TRPC7: variants seen among roughly 807,000 people sequenced by gnomAD.
TRPC7 encodes the protein transient receptor potential cation channel subfamily C member 7.
Under a neutral mutation model 90.1 loss-of-function variants are expected in TRPC7, and 42 were observed. The ratio of observed to expected loss-of-function variants is 0.47; its 90% CI spans 0.36 to 0.60. TRPC7 has a LOEUF of 0.60. Among genes scored for constraint, TRPC7 ranks in the 20% least tolerant of loss-of-function variants. The probability of loss-of-function intolerance (pLI) is 0.00; values close to 1 mark genes in which losing one functional copy is unlikely to be tolerated. For missense variants in TRPC7, 955 were observed against 1,112.3 expected, an observed-to-expected ratio of 0.86 and a Z score of 2.01; for synonymous variants, 451 against 436.3, an observed-to-expected ratio of 1.03 and a Z score of -0.42.
chr5:136,306,373 A>G (rs1758629833), intron 3 of TRPC7, among the ~76,000 whole-genome samples: 1 of 152,034 alleles, frequency 6.6e-6, no homozygotes, highest in Non-Finnish European at 1.5e-5. Flanking sequence ...ACCCCACAAT[A>G]TCACCCTTTA....
chr5:136,347,038 A>G (rs1324729943), intron 2 of TRPC7, among the ~76,000 whole-genome samples: 2 of 152,218 alleles, frequency 1.3e-5, no homozygotes, highest in Non-Finnish European at 2.9e-5. Flanking sequence ...TAACAGAGGC[A>G]GAGACTGGAG....
intron 2 of TRPC7, among the ~76,000 whole-genome samples, chr5:136,317,108 G>C (rs1561716369): frequency 6.6e-6 from 1 of 152,182 alleles, no homozygotes; most frequent in Non-Finnish European, 1.5e-5. Context: ...GGTGAGAGTA[G>C]CTGTCCTTCA....
intron 3 of TRPC7, among the ~76,000 whole-genome samples, chr5:136,313,950 T>A (rs1472444313): frequency 2.0e-5 from 3 of 152,196 alleles, no homozygotes; most frequent in Non-Finnish European, 4.4e-5. Context: ...AGAGGACATA[T>A]AGTTATCAGG....
intron 7 of TRPC7, among the ~76,000 whole-genome samples, chr5:136,235,465 A>AG (rs1336712429): frequency 1.3e-5 from 2 of 152,168 alleles, no homozygotes; most frequent in Non-Finnish European, 2.9e-5. Flanking sequence ...CTCAGAGAGA[A>AG]GGCTAGCATT....
intron 3 of TRPC7, among the ~76,000 whole-genome samples, chr5:136,284,998 G>A (rs1757664289): frequency 6.6e-6 from 1 of 152,182 alleles, no homozygotes; most frequent in Non-Finnish European, 1.5e-5. Flanking sequence ...CACGGAATGA[G>A]TATATTCAAA....
intron 1 of TRPC7, 59 bp from the exon 2 acceptor site, chr5:136,357,444 A>T (rs1760429708): frequency 6.7e-7 from 1 of 1,495,090 alleles, no homozygotes; most frequent in Non-Finnish European, 8.9e-7. Flanking sequence ...GCAGTAGAGC[A>T]CACAAAAATG....
chr5:136,213,349 G>A lies in TRPC7; in HGVS notation c.*86C>T. ...TTCGTGTCCTAGAGGAGTGGGCTGG[G>A]GACCCCTCCCCACCAAGGATGGGGG... On this transcript the variant is annotated 3_prime_UTR_variant, in exon 12 of 12. Coordinates refer to ENST00000513104, the MANE Select transcript of TRPC7 (RefSeq NM_020389.3). 1 of 1,442,560 alleles carries A rather than the reference G, an allele frequency of 6.9e-7. No individual in the cohort carries two copies. Among genetic ancestry groups the A allele is most frequent in the Non-Finnish European group, 9.5e-7 (1 of 1,056,780 alleles). The allele number at this position is 1,442,560 out of a possible 1,614,324, so 89.4% of individuals were successfully genotyped here.
chr5:136,296,606 A>C (rs1458623565), intron 3 of TRPC7, among the ~76,000 whole-genome samples: 2 of 152,222 alleles, frequency 1.3e-5, no homozygotes, highest in Non-Finnish European at 2.9e-5. Flanking sequence ...ATAAATTTTT[A>C]CATTCTACTG....
At chr5:136,314,057 C>T (rs1268493547) in intron 3 of TRPC7, 2 of 152,198 alleles carry the variant, frequency 1.3e-5, no homozygotes, top group African/African-American at 2.4e-5. Context: ...GGTGAATGCC[C>T]ACATGCCATG....
intron 3 of TRPC7, among the ~76,000 whole-genome samples, chr5:136,277,910 C>T (rs1167559858): frequency 1.3e-5 from 2 of 152,200 alleles, no homozygotes; most frequent in East Asian, 1.9e-4. Context: ...ATTTTCCCAG[C>T]GACATGATTC....
At chr5:136,333,728 T>C (rs1019840599) in intron 2 of TRPC7, among the ~76,000 whole-genome samples, 3 of 152,294 alleles carry the variant, frequency 2.0e-5, no homozygotes, top group Non-Finnish European at 2.9e-5. Context: ...GGATTTAAAG[T>C]ACAGGGAGAA....
chr5:136,234,501 G>A (rs1755926104), intron 7 of TRPC7, among the ~76,000 whole-genome samples: 1 of 151,956 alleles, frequency 6.6e-6, no homozygotes, highest in Admixed American at 6.6e-5. Context: ...GTAGAGACGG[G>A]GTTTCACCAT....
chr5:136,225,465 A>T (rs552946302), intron 9 of TRPC7, 111 bp from the exon 10 acceptor site: 1 of 994,866 alleles, frequency 1.0e-6, no homozygotes, highest in East Asian at 2.6e-5. Flanking sequence ...TCAGTGAAGC[A>T]GCTTTTGAAA....
chr5:136,251,869 G>A lies in TRPC7; in HGVS notation c.1359C>T (p.Ser453=), dbSNP rs1580864612. ...IMKWVLGMIW[S]ECKEIWEEGP... is the part of the protein sequence containing the mutation. ...CCTCCTCCCAGATTTCCTTGCATTC[G>A]GACCAAATCATTCCTGTGGGAGAAG... Residue 453 remains serine, a synonymous_variant, in exon 6 of 12, where the codon TCC becomes TCT. Coordinates refer to ENST00000513104, the MANE Select transcript of TRPC7 (RefSeq NM_020389.3). 2.5e-6 allele frequency: 4 copies of A among 1,613,706 alleles called. No individual in the cohort carries two copies. The highest frequency in any genetic ancestry group is 3.4e-6 in the Non-Finnish European group (4 of 1,179,720).
At chr5:136,221,000 GAAATAGATATAGA>G (rs1755438695) in intron 10 of TRPC7, among the ~76,000 whole-genome samples, 1 of 152,122 alleles carries the variant, frequency 6.6e-6, no homozygotes, top group Non-Finnish European at 1.5e-5. Context: ...TTCTATTCTA[GAAATAGATATAGA>G]AAATAGATAT....
At chr5:136,283,732 G>C (rs923760749) in intron 3 of TRPC7, among the ~76,000 whole-genome samples, 1 of 152,202 alleles carries the variant, frequency 6.6e-6, no homozygotes, top group Non-Finnish European at 1.5e-5. Flanking sequence ...GTCTTGACCA[G>C]ATTTCTTACT....
chr5:136,324,665 T>C (rs1385332411), intron 2 of TRPC7, among the ~76,000 whole-genome samples: 1 of 152,214 alleles, frequency 6.6e-6, no homozygotes, highest in Non-Finnish European at 1.5e-5. Context: ...AGGGCCATTG[T>C]TTTGATAACA....
At chr5:136,355,324 G>A (rs936304556) in intron 2 of TRPC7, among the ~76,000 whole-genome samples, 3 of 152,194 alleles carry the variant, frequency 2.0e-5, no homozygotes, top group African/African-American at 7.2e-5. Context: ...TCTGGGGTCT[G>A]AGTGCTTAGA....
chr5:136,247,016 C>T lies in TRPC7; in HGVS notation c.1844+455G>A, dbSNP rs960943257. 6.6e-6 allele frequency among the ~76,000 whole-genome samples: 1 copy of T among 151,668 alleles called. No homozygotes were observed. The highest frequency in any genetic ancestry group is 6.6e-5 in the Admixed American group (1 of 15,250). ...TCATGGATTGCAGTCCTAACTTTACCCCCAAAGTTTACCACCACAAAATAT... is the reference window on the plus strand; with the variant it reads ...TCATGGATTGCAGTCCTAACTTTACTCCCAAAGTTTACCACCACAAAATAT... On this transcript the variant is annotated intron_variant, in intron 7 of 11. Transcript: ENST00000513104. This position sits in a 1 kb window ranked among gnomAD's most constrained non-coding sequence, Gnocchi z 4.2.
Sources: allele counts gnomAD v4.1 joint callset (sites outside exome capture counted in the v4.1 genomes callset), GRCh38; gene constraint gnomAD v4.1.1; non-coding constraint Gnocchi (gnomAD v3.1); transcripts MANE v1.5; gene names NCBI Gene and HGNC (gene_info 2026-07-23, HGNC 2026-07-21).